IFT25: variants seen among roughly 807,000 people sequenced by gnomAD.
IFT25 encodes intraflagellar transport protein 25 homolog.
the IFT25 span, among the ~76,000 whole-genome samples, chr1:53,945,255 A>T: frequency 6.6e-6 from 1 of 152,232 alleles, no homozygotes; most frequent in Non-Finnish European, 1.5e-5. Flanking sequence ...GACAGCTTAC[A>T]TTACATTTTG....
At chr1:53,913,234 T>A in the IFT25 span, among the ~76,000 whole-genome samples, 13 of 152,246 alleles carry the variant, frequency 8.5e-5, no homozygotes, top group Non-Finnish European at 1.6e-4. Context: ...GTGCCAGTCA[T>A]GCTTCAGAGC....
chr1:53,918,838 C>A, the IFT25 span, among the ~76,000 whole-genome samples: 2 of 151,870 alleles, frequency 1.3e-5, no homozygotes, highest in African/African-American at 4.8e-5. Context: ...TCACCCCAGC[C>A]CATTTTTTCT....
chr1:53,929,819 G>C, the IFT25 span: 1 of 589,002 alleles, frequency 1.7e-6, no homozygotes, highest in South Asian at 5.0e-5. Flanking sequence ...CAGTTTGAGA[G>C]AGGCCAACTG....
At chr1:53,916,284 G>T in the IFT25 span, among the ~76,000 whole-genome samples, 1 of 152,224 alleles carries the variant, frequency 6.6e-6, no homozygotes, top group South Asian at 2.1e-4. Flanking sequence ...AATGTGGAGT[G>T]GTTTAAGGTG....
chr1:53,916,149 C>A, the IFT25 span, among the ~76,000 whole-genome samples: 1 of 147,032 alleles, frequency 6.8e-6, no homozygotes, highest in South Asian at 2.1e-4. Context: ...TGTGCCACTG[C>A]GCTCCAGCCT....
chr1:53,924,618 C>T, the IFT25 span, among the ~76,000 whole-genome samples: 4 of 152,092 alleles, frequency 2.6e-5, no homozygotes, highest in South Asian at 2.1e-4. Context: ...GGGCGGATCA[C>T]GAGTTCAGGA....
At chr1:53,925,477 G>A in the IFT25 span, among the ~76,000 whole-genome samples, 2 of 151,136 alleles carry the variant, frequency 1.3e-5, no homozygotes, top group Non-Finnish European at 2.9e-5. Flanking sequence ...TGGCTAACAC[G>A]GTGAAACCCC....
the IFT25 span, among the ~76,000 whole-genome samples, chr1:53,924,840 A>C: frequency 1.3e-5 from 2 of 152,314 alleles, no homozygotes; most frequent in East Asian, 1.9e-4. Flanking sequence ...CCATCTCAAA[A>C]AACAACAACA....
At chr1:53,915,358 C>T in the IFT25 span, among the ~76,000 whole-genome samples, 3 of 152,030 alleles carry the variant, frequency 2.0e-5, no homozygotes, top group African/African-American at 4.8e-5. Flanking sequence ...GAGAGAGCCC[C>T]GAGTAATTCA....
At chr1:53,944,823 G>A in the IFT25 span, among the ~76,000 whole-genome samples, 2 of 152,058 alleles carry the variant, frequency 1.3e-5, no homozygotes, top group Middle Eastern at 3.2e-3. Flanking sequence ...CTAAACCAGT[G>A]CCACTGGTTT....
At chr1:53,916,592 T>C in the IFT25 span, 1 of 223,924 alleles carries the variant, frequency 4.5e-6, no homozygotes, top group African/African-American at 2.3e-5. Context: ...TTTCATTTTA[T>C]TGAACATGAA....
the IFT25 span, among the ~76,000 whole-genome samples, chr1:53,932,558 G>A: frequency 1.3e-5 from 2 of 152,170 alleles, no homozygotes; most frequent in African/African-American, 4.8e-5. Context: ...ACATTTCAGT[G>A]AATGTTCAAT....
At chr1:53,918,847 C>CT in the IFT25 span, among the ~76,000 whole-genome samples, 16 of 151,794 alleles carry the variant, frequency 1.1e-4, no homozygotes, top group Middle Eastern at 6.8e-3. Context: ...CCCATTTTTT[C>CT]TTTTTTTTGA....
chr1:53,918,659 A>C, the IFT25 span, among the ~76,000 whole-genome samples: 2 of 152,170 alleles, frequency 1.3e-5, no homozygotes, highest in Admixed American at 6.5e-5. Flanking sequence ...TTGTTCCTCT[A>C]TCTCTTGAGT....
the IFT25 span, among the ~76,000 whole-genome samples, chr1:53,912,717 G>A: frequency 2.0e-5 from 3 of 152,148 alleles, no homozygotes; most frequent in East Asian, 5.8e-4. Context: ...AAGAGGTTTG[G>A]GTTCAATTCC....
chr1:53,915,068 G>A, the IFT25 span, among the ~76,000 whole-genome samples: 1 of 152,150 alleles, frequency 6.6e-6, no homozygotes, highest in East Asian at 1.9e-4. Context: ...ATATATTGTT[G>A]ACTAGCTTTA....
chr1:53,945,306 TG>T, the IFT25 span, among the ~76,000 whole-genome samples: 1 of 152,236 alleles, frequency 6.6e-6, no homozygotes, highest in African/African-American at 2.4e-5. Flanking sequence ...TTTTCCCTTT[TG>T]GGGGGTCAAG....
the IFT25 span, among the ~76,000 whole-genome samples, chr1:53,935,601 T>TTC: frequency 6.6e-6 from 1 of 151,018 alleles, no homozygotes; most frequent in African/African-American, 2.5e-5. Context: ...ATAAAGTTGT[T>TTC]ACCCACCCCC....
At chr1:53,930,545 A>G in the IFT25 span, among the ~76,000 whole-genome samples, 1 of 151,998 alleles carries the variant, frequency 6.6e-6, no homozygotes, top group South Asian at 2.1e-4. Context: ...ACCTTAGTTC[A>G]TTCATGAGGT....
Sources: gnomAD v4.1 joint callset for allele counts (sites outside exome capture counted in the v4.1 genomes callset) on GRCh38, gnomAD v4.1.1 for gene constraint, MANE v1.5 for transcripts, NCBI Gene and HGNC (gene_info 2026-07-23, HGNC 2026-07-21) for gene names.